DPP10: variants seen among roughly 807,000 people sequenced by gnomAD.
DPP10 encodes the protein dipeptidyl peptidase like 10.
A neutral mutation model predicts 120.9 loss-of-function variants in DPP10; 33 were observed. That is an observed-to-expected ratio of 0.27 (90% CI 0.21 to 0.37). The LOEUF is 0.37. Ranked by LOEUF, DPP10 falls within the 10% of genes least tolerant of loss-of-function variation. The pLI, the probability that DPP10 is intolerant of heterozygous loss-of-function variation, is 1.00. For missense variants in DPP10, 816 were observed against 942.8 expected, an observed-to-expected ratio of 0.87 and a Z score of 1.76; for synonymous variants, 337 against 326.1, an observed-to-expected ratio of 1.03 and a Z score of -0.36.
intron 1 of DPP10, among the ~76,000 whole-genome samples, chr2:114,461,128 A>G (rs1377472486): frequency 6.6e-6 from 1 of 152,244 alleles, no homozygotes; most frequent in East Asian, 1.9e-4. Flanking sequence ...GCCAGATTGT[A>G]ACATAAAGAG....
chr2:115,686,064 C>T (rs1575524456), intron 5 of DPP10, among the ~76,000 whole-genome samples: 1 of 151,968 alleles, frequency 6.6e-6, no homozygotes, highest in East Asian at 1.9e-4. Context: ...TAAGGTTGAA[C>T]GAGGTGACAC....
intron 1 of DPP10, among the ~76,000 whole-genome samples, chr2:115,166,759 C>G (rs2052908392): frequency 6.6e-6 from 1 of 151,718 alleles, no homozygotes; most frequent in Non-Finnish European, 1.5e-5. Flanking sequence ...ATCAATGCTG[C>G]ATTATCTTAT....
At chr2:114,855,955 A>AC (rs946934261) in intron 1 of DPP10, among the ~76,000 whole-genome samples, 1 of 151,898 alleles carries the variant, frequency 6.6e-6, no homozygotes, top group Non-Finnish European at 1.5e-5. Flanking sequence ...GGCTAAAAAA[A>AC]AAAAGCCACA....
chr2:114,583,363 A>G (rs984660776), intron 1 of DPP10, among the ~76,000 whole-genome samples: 4 of 152,236 alleles, frequency 2.6e-5, no homozygotes, highest in African/African-American at 9.6e-5. Context: ...AAGACAAAAC[A>G]CCATTTCTAC....
At chr2:115,799,297 T>C (rs1023146120) in intron 19 of DPP10, among the ~76,000 whole-genome samples, 5 of 152,044 alleles carry the variant, frequency 3.3e-5, no homozygotes, top group Non-Finnish European at 4.4e-5. Context: ...CTTTGGGAAT[T>C]AAAAGTGTTG....
At chr2:115,540,100 G>A (rs2079090254) in intron 5 of DPP10, among the ~76,000 whole-genome samples, 1 of 151,826 alleles carries the variant, frequency 6.6e-6, no homozygotes, top group Non-Finnish European at 1.5e-5. Context: ...AATATAATTA[G>A]CCATGAGGTC....
At chr2:114,901,603 G>A (rs1348352236) in intron 1 of DPP10, among the ~76,000 whole-genome samples, 1 of 152,142 alleles carries the variant, frequency 6.6e-6, no homozygotes. Context: ...TTTTGTTCAT[G>A]TCCTAATTGA....
chr2:114,939,732 G>A lies in DPP10; in HGVS notation c.61-369507G>A, dbSNP rs908746383. On this transcript the variant is annotated intron_variant, in intron 1 of 25. Coordinates refer to ENST00000410059, the MANE Select transcript of DPP10 (RefSeq NM_020868.6). ...GTTGTATAAACACCTTAGAACTTGT[G>A]TTCACATGTCTTTGGATAATTTCTG... Among the ~76,000 whole-genome samples the A allele has an allele frequency of 2.1e-4, 32 of 152,116 alleles. 1 individual carries two copies. Among genetic ancestry groups the A allele is most frequent in the Middle Eastern group, 6.8e-3 (2 of 294 alleles).
intron 21 of DPP10, among the ~76,000 whole-genome samples, chr2:115,833,704 C>A (rs1017405925): frequency 6.6e-6 from 1 of 152,136 alleles, no homozygotes; most frequent in African/African-American, 2.4e-5. Context: ...ATATTCTATA[C>A]AATTACTGTC....
chr2:114,516,363 AAAGTCC>A (rs1684595067), intron 1 of DPP10, among the ~76,000 whole-genome samples: 1 of 152,178 alleles, frequency 6.6e-6, no homozygotes, highest in Non-Finnish European at 1.5e-5. Flanking sequence ...ATCCCCCTGC[AAAGTCC>A]ATTCTTCCAG....
At chr2:115,450,968 A>T (rs907219479) in intron 3 of DPP10, among the ~76,000 whole-genome samples, 2 of 151,904 alleles carry the variant, frequency 1.3e-5, no homozygotes, top group Non-Finnish European at 2.9e-5. Context: ...GAACAATATG[A>T]CTAGTATTCT....
intron 1 of DPP10, among the ~76,000 whole-genome samples, chr2:114,699,549 A>G (rs1466160417): frequency 1.3e-5 from 2 of 152,106 alleles, no homozygotes; most frequent in Non-Finnish European, 2.9e-5. Flanking sequence ...CTTGGCCCAT[A>G]TCTAAGTATG....
At chr2:114,447,953 C>G (rs1678035437) in intron 1 of DPP10, among the ~76,000 whole-genome samples, 2 of 152,154 alleles carry the variant, frequency 1.3e-5, no homozygotes, top group South Asian at 4.1e-4. Flanking sequence ...AAAATCACAG[C>G]CTGTGATAAA....
chr2:115,330,510 A>G (rs1291857738), intron 2 of DPP10, among the ~76,000 whole-genome samples: 1 of 151,874 alleles, frequency 6.6e-6, no homozygotes, highest in African/African-American at 2.4e-5. Flanking sequence ...GTCCTTGCCC[A>G]TGCCTATGTA....
chr2:115,315,312 A>G (rs2106064333), intron 2 of DPP10, among the ~76,000 whole-genome samples: 1 of 151,950 alleles, frequency 6.6e-6, no homozygotes, highest in South Asian at 2.1e-4. Context: ...TATATGTAAA[A>G]CTCATTTCCT....
chr2:115,012,508 G>C (rs1234202614), intron 1 of DPP10, among the ~76,000 whole-genome samples: 2 of 152,160 alleles, frequency 1.3e-5, no homozygotes, highest in Non-Finnish European at 2.9e-5. Context: ...CACATCACAG[G>C]GCTCTTTGCA....
chr2:115,492,238 A>G (rs990032535), intron 3 of DPP10, among the ~76,000 whole-genome samples: 2 of 152,204 alleles, frequency 1.3e-5, no homozygotes, highest in African/African-American at 2.4e-5. Context: ...AAAATAACCT[A>G]TTAAAGATAA....
At chr2:115,409,514 G>A (rs76467879) in intron 3 of DPP10, among the ~76,000 whole-genome samples, 37 of 152,210 alleles carry the variant, frequency 2.4e-4, no homozygotes, top group African/African-American at 8.7e-4. Context: ...AAAAATAATA[G>A]ACATTGGCAT....
intron 7 of DPP10, among the ~76,000 whole-genome samples, chr2:115,710,098 C>T (rs1333023160): frequency 2.6e-5 from 4 of 151,942 alleles, no homozygotes; most frequent in Admixed American, 2.6e-4. Flanking sequence ...CATTAAGAAC[C>T]ATGGGGAATC....
Sources: allele counts gnomAD v4.1 joint callset (sites outside exome capture counted in the v4.1 genomes callset), GRCh38; gene constraint gnomAD v4.1.1; transcripts MANE v1.5; gene names NCBI Gene and HGNC (gene_info 2026-07-23, HGNC 2026-07-21).